ANKS1B: variants seen among roughly 807,000 people sequenced by gnomAD.
ANKS1B encodes the protein ankyrin repeat and sterile alpha motif domain-containing protein 1B.
ANKS1B carries 36 observed loss-of-function variants against 148.3 expected under a neutral mutation model. The ratio of observed to expected loss-of-function variants is 0.24; its 90% confidence interval spans 0.19 to 0.32. The LOEUF is 0.32. ANKS1B is among the 10% of genes least tolerant of loss of function. The pLI is 1.00. For synonymous variants in ANKS1B, 542 were observed against 560.8 expected (o/e 0.97, Z 0.47); for missense variants, 1,157 against 1,542.6 (o/e 0.75, Z 4.19).
chr12:99,787,657 C>T (rs1037329405), intron 4 of ANKS1B, among the ~76,000 whole-genome samples: 1 of 152,138 alleles, frequency 6.6e-6, no homozygotes, highest in Admixed American at 6.5e-5. Flanking sequence ...TCACAAGAAC[C>T]AAAAATCAAG....
At position 98,807,202 on chromosome 12, in the gene ANKS1B, T is replaced by C. The variant is rs150851157; in HGVS notation, c.3141+642A>G. 5.3e-4 allele frequency among the ~76,000 whole-genome samples: 80 copies of C among 152,280 alleles called. 1 individual carries two copies. Among genetic ancestry groups the C allele is most frequent in the African/African-American group, 1.8e-3 (73 of 41,562 alleles). ...TTTTCTAAAGTATGCAAAGGTGAAA[T>C]ATGAACATTTGAAAATCATGCAGCT... On this transcript the variant is annotated intron_variant, in intron 20 of 26. Coordinates refer to ENST00000683438, the MANE Select transcript of ANKS1B (RefSeq NM_001352186.2).
chr12:99,404,341 A>G (rs192858875), intron 11 of ANKS1B, among the ~76,000 whole-genome samples: 1 of 146,172 alleles, frequency 6.8e-6, no homozygotes, highest in South Asian at 2.1e-4. Context: ...TAAAAAATTT[A>G]AAAAAAGAAA....
intron 9 of ANKS1B, among the ~76,000 whole-genome samples, chr12:99,599,108 A>T (rs1411272073): frequency 5.3e-5 from 8 of 152,002 alleles, no homozygotes; most frequent in Admixed American, 5.2e-4. Flanking sequence ...GATACATGTG[A>T]TTGCACTTAG....
rs7307177 is a variant in ANKS1B at position 99,034,330 on chromosome 12, T to A, written c.2778+18827A>T. 2.1e-3 allele frequency among the ~76,000 whole-genome samples: 325 copies of A among 152,274 alleles called. 1 individual carries two copies. Among genetic ancestry groups the A allele is most frequent in the African/African-American group, 7.3e-3 (305 of 41,562 alleles). ...TGAGCACCTTAATTATTTTATTTTT[T>A]TTTTTGACATGGTCTTGGTCTGTCA... On this transcript the variant is annotated intron_variant, in intron 17 of 26. Coordinates refer to ENST00000683438, the MANE Select transcript of ANKS1B (RefSeq NM_001352186.2).
At chr12:99,487,652 AT>A (rs1187370887) in intron 10 of ANKS1B, among the ~76,000 whole-genome samples, 1 of 151,920 alleles carries the variant, frequency 6.6e-6, no homozygotes, top group African/African-American at 2.4e-5. Flanking sequence ...TGTGATTTAT[AT>A]TTTTTATTGT....
chr12:99,169,839 C>T (rs1442838377), intron 14 of ANKS1B, among the ~76,000 whole-genome samples: 1 of 152,092 alleles, frequency 6.6e-6, no homozygotes, highest in Non-Finnish European at 1.5e-5. Context: ...AAACTTGAAC[C>T]CTAAGTAGCC....
intron 17 of ANKS1B, among the ~76,000 whole-genome samples, chr12:98,964,535 C>A (rs973285908): frequency 1.3e-5 from 2 of 152,080 alleles, no homozygotes; most frequent in Non-Finnish European, 2.9e-5. Context: ...TCACAATGGC[C>A]AAGATTTGGA....
chr12:99,769,950 C>T (rs1417506365), intron 8 of ANKS1B, among the ~76,000 whole-genome samples: 3 of 152,196 alleles, frequency 2.0e-5, no homozygotes, highest in Admixed American at 6.5e-5. Context: ...GCACAGCTCC[C>T]CTTTCACCAG....
intron 15 of ANKS1B, chr12:99,099,711 A>C (rs996502050): frequency 1.3e-5 from 2 of 152,254 alleles, no homozygotes; most frequent in Non-Finnish European, 2.9e-5. Flanking sequence ...TAATATTTTC[A>C]TCTAAAAGTA....
chr12:99,430,767 T>C (rs1256118194), intron 11 of ANKS1B, among the ~76,000 whole-genome samples: 1 of 152,216 alleles, frequency 6.6e-6, no homozygotes, highest in Non-Finnish European at 1.5e-5. Context: ...CCTTGTAGGT[T>C]GGCTAGCTGT....
intron 14 of ANKS1B, among the ~76,000 whole-genome samples, chr12:99,171,058 T>C (rs1316780113): frequency 6.6e-6 from 1 of 152,198 alleles, no homozygotes; most frequent in Non-Finnish European, 1.5e-5. Flanking sequence ...AGTGCTGGTG[T>C]CTATGTGAGC....
intron 11 of ANKS1B, among the ~76,000 whole-genome samples, chr12:99,415,612 T>C (rs1242557691): frequency 6.6e-6 from 1 of 152,200 alleles, no homozygotes; most frequent in Non-Finnish European, 1.5e-5. Flanking sequence ...AGTGGGCACA[T>C]CTCACAAAAT....
chr12:98,925,798 A>G (rs893713792), intron 17 of ANKS1B, among the ~76,000 whole-genome samples: 2 of 152,180 alleles, frequency 1.3e-5, no homozygotes, highest in African/African-American at 4.8e-5. Context: ...CCTGTCTGAA[A>G]GTTCCTTAAG....
chr12:98,989,682 G>A (rs1181279967), intron 17 of ANKS1B, among the ~76,000 whole-genome samples: 1 of 152,092 alleles, frequency 6.6e-6, no homozygotes, highest in Non-Finnish European at 1.5e-5. Flanking sequence ...GCTTGCTCCT[G>A]TAGTCCCAGC....
chr12:98,919,336 G>A (rs1256738071), intron 17 of ANKS1B, among the ~76,000 whole-genome samples: 1 of 152,140 alleles, frequency 6.6e-6, no homozygotes. Context: ...AATCAACCAT[G>A]GATTACTTCC....
In ANKS1B at chr12:99,154,718, C is replaced by G. The variant is rs1032990580; in HGVS notation, c.2420-323G>C. On this transcript the variant is annotated intron_variant, in intron 14 of 26. Coordinates refer to ENST00000683438, the MANE Select transcript of ANKS1B (RefSeq NM_001352186.2). ...AGGCATATCAAGCTGTCAGCTTGGG[C>G]TGGTCTGCGTTCTATGTGATTGTTG... 19 of 1,437,976 alleles carry G rather than the reference C, an allele frequency of 1.3e-5. No individual in the cohort carries two copies. The African/African-American group carries it at 1.6e-4, about 12-fold the overall frequency. 89.1% of individuals were successfully genotyped at this position (1,437,976 alleles called of 1,614,324 possible).
intron 11 of ANKS1B, among the ~76,000 whole-genome samples, chr12:99,414,600 A>G (rs1347355832): frequency 6.6e-6 from 1 of 152,142 alleles, no homozygotes; most frequent in African/African-American, 2.4e-5. Flanking sequence ...CAAACACCAC[A>G]TGTTCTCACT....
chr12:99,000,268 CTT>C (rs905457820), intron 17 of ANKS1B, among the ~76,000 whole-genome samples: 22,260 of 124,734 alleles, frequency 0.18, 1,550 homozygotes, highest in Non-Finnish European at 0.2. Flanking sequence ...TTTCTTTTTC[CTT>C]TTTTTTTTTT....
At chr12:99,733,719 C>T (rs1397789616) in intron 8 of ANKS1B, among the ~76,000 whole-genome samples, 1 of 152,158 alleles carries the variant, frequency 6.6e-6, no homozygotes, top group Non-Finnish European at 1.5e-5. Context: ...TCACCCAATG[C>T]ACTAATTATC....
Sources: allele counts gnomAD v4.1 joint callset (sites outside exome capture counted in the v4.1 genomes callset), GRCh38; gene constraint gnomAD v4.1.1; transcripts MANE v1.5; gene names NCBI Gene and HGNC (gene_info 2026-07-23, HGNC 2026-07-21).